Variants in RAPSN observed in about 807,000 individuals in gnomAD.
The protein encoded by RAPSN is receptor associated protein of the synapse, also known as 43 kDa receptor-associated protein of the synapse.
Under a neutral mutation model 45.7 loss-of-function variants are expected in RAPSN, and 33 were observed. The ratio of observed to expected loss-of-function variants is 0.72; its 90% CI spans 0.55 to 0.97. RAPSN has a LOEUF of 0.97. RAPSN is among the 50% of genes least tolerant of loss of function. RAPSN has a pLI of 0.00. For missense variants in RAPSN, 519 were observed against 559.4 expected, an observed-to-expected ratio of 0.93 and a Z score of 0.73; for synonymous variants, 244 against 233.6, an observed-to-expected ratio of 1.04 and a Z score of -0.40.
chr11:47,437,957 C>T lies in RAPSN; in HGVS notation c.*18G>A. On this transcript the variant is annotated 3_prime_UTR_variant, in exon 8 of 8. Transcript: ENST00000298854. ...GAGCAGGAGTGGCGAGGAGGAAGCC[C>T]ACGCCTGCTGCCAGGAGTCATACAA... 3 of 1,550,998 alleles carry T rather than the reference C, an allele frequency of 1.9e-6. No homozygotes were observed. Among genetic ancestry groups the T allele is most frequent in the Non-Finnish European group, 2.6e-6 (3 of 1,146,958 alleles).
intron 2 of RAPSN, among the ~76,000 whole-genome samples, chr11:47,445,929 CTT>C (rs759897915): frequency 6.9e-6 from 1 of 144,586 alleles, no homozygotes. Flanking sequence ...CACACTTGGG[CTT>C]TTTTTTTTTT....
chr11:47,441,797 C>T, intron 4 of RAPSN, 26 bp downstream of exon 4: 2 of 1,556,264 alleles, frequency 1.3e-6, no homozygotes, highest in Non-Finnish European at 1.7e-6. Context: ...CCCCTGCCCC[C>T]AGCCCCTGCA....
rs1185527671 is a variant in RAPSN, at chr11:47,441,737, C to T, written c.790-4G>A. On this transcript the variant is annotated splice_region_variant and splice_polypyrimidine_tract_variant and intron_variant, in intron 4 of 7. Transcript: ENST00000298854. ...AGTCGTACCTGGGGAAGGCTGTCTG[C>T]AGAGCCAGGTGGGGGATGGAATCAG... 6.2e-7 allele frequency: 1 copy of T among 1,606,464 alleles called. No homozygotes were observed. Among genetic ancestry groups the T allele is most frequent in the Non-Finnish European group, 8.5e-7 (1 of 1,179,866 alleles).
chr11:47,445,223 C>T (rs1159090281), intron 2 of RAPSN, among the ~76,000 whole-genome samples: 1 of 150,400 alleles, frequency 6.6e-6, no homozygotes, highest in Non-Finnish European at 1.5e-5. Context: ...GAGTAAGACT[C>T]CGTCTCTAAA....
chr11:47,441,633 A>G lies in RAPSN; in HGVS notation c.890T>C (p.Val297Ala), dbSNP rs1245316564. 6.2e-7 allele frequency: 1 copy of G among 1,608,218 alleles called. No individual in the cohort carries two copies. Among genetic ancestry groups the G allele is most frequent in the Non-Finnish European group, 8.5e-7 (1 of 1,179,676 alleles). ...QALLGVAKCWVARKALDKALD... is the reference protein window; with the variant it reads ...QALLGVAKCWAARKALDKALD... ...CACCTTGTCCAGCGCCTTCCTGGCC[A>G]CCCAGCACTTGGCCACACCCAGCAG... Residue 297 changes from valine (V) to alanine (A), a missense_variant, in exon 5 of 8, where the codon GTG (valine) becomes GCG (alanine). By Grantham distance (64) the Val-to-Ala change is moderately conservative. Coordinates refer to ENST00000298854, the MANE Select transcript of RAPSN (RefSeq NM_005055.5).
chr11:47,447,735 A>C, intron 2 of RAPSN, 77 bp downstream of exon 2: 1 of 1,450,072 alleles, frequency 6.9e-7, no homozygotes, highest in Non-Finnish European at 9.5e-7. Flanking sequence ...TGAATGAGGT[A>C]GTGCCACAGG....
rs2076424527 is a variant in RAPSN, at chr11:47,448,095, A to T, written c.248T>A (p.Leu83Gln). 1 of 1,613,930 alleles carries T rather than the reference A, an allele frequency of 6.2e-7. No homozygotes were observed. Among genetic ancestry groups the T allele is most frequent in the Admixed American group, 1.7e-5 (1 of 60,018 alleles). The change falls in exon 2 of 8, where the codon CTG becomes CAG. Residue 83 changes from leucine (L) to glutamine (Q), a missense_variant. Transcript: ENST00000298854. ...ARELEDADFL[L>Q]ESYLNLARSN... ...GCGTGCCAGGTTCAGGTAGCTCTCC[A>T]GGAGGAAGTCGGCATCCTCCAGCTC...
rs2076424527 is a variant in RAPSN, at chr11:47,448,095, A to G, written c.248T>C (p.Leu83Pro). The change falls in exon 2 of 8, where the codon CTG (leucine) becomes CCG (proline). Residue 83 changes from leucine to proline, a missense_variant. Transcript: ENST00000298854. ...GCGTGCCAGGTTCAGGTAGCTCTCC[A>G]GGAGGAAGTCGGCATCCTCCAGCTC... Reference protein sequence around the residue: ...ARELEDADFLLESYLNLARSN... With the variant: ...ARELEDADFLPESYLNLARSN... 1 of 1,613,812 alleles carries G rather than the reference A, an allele frequency of 6.2e-7. No homozygotes were observed. Among genetic ancestry groups the G allele is most frequent in the Non-Finnish European group, 8.5e-7 (1 of 1,179,996 alleles).
At position 47,442,706 on chromosome 11, in the gene RAPSN, C is replaced by CGGCCAT. The variant is rs748602182; in HGVS notation, c.634_639dup (p.Met212_Ala213dup). ...AGGCGGCCCAGCAGGCGATAGGCCA[C>CGGCCAT]GGCCATGTGGTACTGGCTCATGGCC... On this transcript the variant is annotated inframe_insertion, in exon 3 of 8. Transcript: ENST00000298854. 6.2e-7 allele frequency: 1 copy of CGGCCAT among 1,614,262 alleles called. No individual in the cohort carries two copies. Among genetic ancestry groups the CGGCCAT allele is most frequent in the Non-Finnish European group, 8.5e-7 (1 of 1,180,046 alleles).
chr11:47,438,894 A>G lies in RAPSN; in HGVS notation c.1004T>C (p.Ile335Thr), dbSNP rs2076338269. 2 of 1,564,240 alleles carry G rather than the reference A, an allele frequency of 1.3e-6. No individual in the cohort carries two copies. Among genetic ancestry groups the G allele is most frequent in the Admixed American group, 1.9e-5 (1 of 52,232 alleles). ...QLKLHCLSES[I>T]YRSKGLQREL... ...CCGCTGCAGCCCTTTGCTGCGGTAA[A>G]TGCTCTCGCTCAGACAGTGCAGCTT... The change falls in exon 7 of 8, where the codon ATT (isoleucine) becomes ACT (threonine). Residue 335 changes from isoleucine (I) to threonine (T), a missense_variant. Ile to Thr is a moderately conservative substitution (Grantham distance 89). Transcript: ENST00000298854.
rs104894293 is a variant in RAPSN, at chr11:47,441,675, A to G, written c.848T>C (p.Leu283Pro). The change falls in exon 5 of 8, where the codon CTG becomes CCG. Residue 283 changes from leucine to proline, a missense_variant. Transcript: ENST00000298854. ...MSIMTEIGNR[L>P]GQVQALLGVA... is the part of the protein sequence containing the mutation. ...ACCCAGCAGCGCCTGCACCTGCCCC[A>G]GGCGGTTTCCGATCTCGGTCATGAT... 1.1e-4 allele frequency: 177 copies of G among 1,609,682 alleles called. No individual in the cohort carries two copies. The highest frequency in any genetic ancestry group is 1.4e-4 in the Non-Finnish European group (171 of 1,179,838).
chr11:47,447,983 C>A lies in RAPSN; in HGVS notation c.360G>T (p.Gln120His), dbSNP rs780338213. 4.1e-5 allele frequency: 66 copies of A among 1,613,844 alleles called. No homozygotes were observed. The highest frequency in any genetic ancestry group is 4.9e-5 in the Non-Finnish European group (58 of 1,180,000). Residue 120 changes from glutamine (Q) to histidine (H), a missense_variant, in exon 2 of 8, where the codon CAG becomes CAT. Coordinates refer to ENST00000298854, the MANE Select transcript of RAPSN (RefSeq NM_005055.5). ...LGLPGTRAGAQLGGQVSLSMG... is the reference protein window; with the variant it reads ...LGLPGTRAGAHLGGQVSLSMG... ...TGCTCAGGCTGACCTGGCCTCCGAGCTGGGCACCTGCCCTGGTACCAGGCA... is the reference window on the plus strand; with the variant it reads ...TGCTCAGGCTGACCTGGCCTCCGAGATGGGCACCTGCCCTGGTACCAGGCA...
chr11:47,444,129 TG>T (rs2076386969), intron 2 of RAPSN, among the ~76,000 whole-genome samples: 1 of 151,928 alleles, frequency 6.6e-6, no homozygotes, highest in Non-Finnish European at 1.5e-5. Flanking sequence ...AAAAGAGAAG[TG>T]TCAATAACCC....
At position 47,449,022 on chromosome 11, in the gene RAPSN, C is replaced by T; in HGVS notation, c.-58G>A. On this transcript the variant is annotated 5_prime_UTR_variant, in exon 1 of 8. Coordinates refer to ENST00000298854, the MANE Select transcript of RAPSN (RefSeq NM_005055.5). ...TCCCTGGTGGCTCCGTGCCTCTAGG[C>T]ACTCATGGGGCAGGAATCACAGTGC... The T allele has an allele frequency of 8.8e-6, 14 of 1,598,150 alleles. No homozygotes were observed. The highest frequency in any genetic ancestry group is 1.2e-5 in the Non-Finnish European group (14 of 1,165,830).
intron 5 of RAPSN, 131 bp downstream of exon 5, chr11:47,441,480 G>A: frequency 6.7e-7 from 1 of 1,488,480 alleles, no homozygotes; most frequent in Middle Eastern, 1.7e-4. Context: ...AAATGACCAG[G>A]AATGTCCTGG....
chr11:47,445,104 G>A (rs934884820), intron 2 of RAPSN, among the ~76,000 whole-genome samples: 8 of 150,974 alleles, frequency 5.3e-5, no homozygotes, highest in African/African-American at 1.5e-4. Context: ...GGTGGCAGGC[G>A]CCTGTAGTCC....
Position 47,448,884 on chromosome 11 carries a change from C to T in RAPSN, c.81G>A (p.Gln27=). 1 of 1,614,250 alleles carries T rather than the reference C, an allele frequency of 6.2e-7. No individual in the cohort carries two copies. The highest frequency in any genetic ancestry group is 8.5e-7 in the Non-Finnish European group (1 of 1,180,044). The change falls in exon 1 of 8, where the codon CAG becomes CAA. Residue 27 remains glutamine (Q), a synonymous_variant. Transcript: ENST00000298854. ...TCTTCTCCAGCACCTTTGTCCACAC[C>T]TGCAATGCCTTCTCTGTCTGGTTGG... ...YQSNQTEKAL[Q]VWTKVLEKSS... is the part of the protein sequence containing the mutation.
intron 2 of RAPSN, among the ~76,000 whole-genome samples, chr11:47,444,138 C>T (rs1372204971): frequency 6.6e-6 from 1 of 151,794 alleles, no homozygotes; most frequent in Non-Finnish European, 1.5e-5. Flanking sequence ...GTGTCAATAA[C>T]CCCCCCAAAA....
At chr11:47,441,946 G>A in intron 3 of RAPSN, 25 bp from the exon 4 acceptor site, 1 of 1,549,902 alleles carries the variant, frequency 6.5e-7, no homozygotes. Context: ...AGTGGCTCAG[G>A]CCTACTCCTC....
Sources: allele counts gnomAD v4.1 joint callset (sites outside exome capture counted in the v4.1 genomes callset), GRCh38; gene constraint gnomAD v4.1.1; transcripts MANE v1.5; gene names NCBI Gene and HGNC (gene_info 2026-07-23, HGNC 2026-07-21).